The following RIPPLY3 variants were observed in gnomAD, a reference collection of about 807,000 sequenced individuals.
The protein encoded by RIPPLY3 is protein ripply3.
RIPPLY3 carries 8 observed loss-of-function variants against 11.9 expected under a neutral mutation model. The ratio of observed to expected loss-of-function variants is 0.67; its 90% CI spans 0.40 to 1.21. The LOEUF is 1.21. Among genes scored for constraint, RIPPLY3 ranks in the 50% most tolerant of loss-of-function variants. The pLI, the probability that RIPPLY3 is intolerant of heterozygous loss-of-function variation, is 0.01. For synonymous variants in RIPPLY3, 102 were observed against 99.0 expected (o/e 1.03, Z -0.18); for missense variants, 271 against 246.0 (o/e 1.10, Z -0.68).
At chr21:37,010,423 G>A (rs2069509908) in intron 2 of RIPPLY3, among the ~76,000 whole-genome samples, 1 of 152,138 alleles carries the variant, frequency 6.6e-6, no homozygotes, top group Admixed American at 6.5e-5. Flanking sequence ...AACCTGGGAG[G>A]CAGAGGTTGC....
intron 3 of RIPPLY3, 110 bp downstream of exon 3, chr21:37,013,728 A>G: frequency 1.3e-6 from 1 of 756,400 alleles, no homozygotes; most frequent in Admixed American, 2.4e-5. Context: ...AAAATAATTC[A>G]ATGTATTCTT....
chr21:37,007,945 A>T (rs1274538780), intron 1 of RIPPLY3, among the ~76,000 whole-genome samples: 1 of 152,206 alleles, frequency 6.6e-6, no homozygotes, highest in African/African-American at 2.4e-5. Flanking sequence ...CTCAAAGCTT[A>T]ACTGGAGACA....
chr21:37,018,117 G>C lies in RIPPLY3; in HGVS notation c.483G>C (p.Gln161His). Reference protein sequence around the residue: ...KGRDQGINQGQRSSGGGDHWG... With the variant: ...KGRDQGINQGHRSSGGGDHWG... ...GAGACCAGGGCATCAACCAAGGGCA[G>C]CGATCCTCAGGAGGGGGTGACCACT... Residue 161 changes from glutamine (Q) to histidine (H), a missense_variant, in exon 4 of 4, where the codon CAG becomes CAC. By Grantham distance (24) the Gln-to-His change is conservative (BLOSUM62 0). Coordinates refer to ENST00000329553, the MANE Select transcript of RIPPLY3 (RefSeq NM_018962.3). 1 of 1,614,058 alleles carries C rather than the reference G, an allele frequency of 6.2e-7. No individual in the cohort carries two copies. The highest frequency in any genetic ancestry group is 8.5e-7 in the Non-Finnish European group (1 of 1,180,010).
chr21:37,015,273 C>T (rs573044988), intron 3 of RIPPLY3, among the ~76,000 whole-genome samples: 31 of 152,308 alleles, frequency 2.0e-4, no homozygotes, highest in African/African-American at 6.7e-4. Context: ...AAGCAATTCT[C>T]CTGCCTCAGC....
intron 2 of RIPPLY3, among the ~76,000 whole-genome samples, chr21:37,012,687 C>T (rs1487943797): frequency 6.6e-6 from 1 of 152,042 alleles, no homozygotes; most frequent in Admixed American, 6.6e-5. Flanking sequence ...TAGTTGGACT[C>T]CCTGACTCAA....
chr21:37,013,613 TGTAAG>T lies in RIPPLY3; in HGVS notation c.239_239+4del. 6.2e-7 allele frequency: 1 copy of T among 1,613,048 alleles called. No homozygotes were observed. The highest frequency in any genetic ancestry group is 8.5e-7 in the Non-Finnish European group (1 of 1,179,162). ...AGGGAGCCTTTGGGTTTCAGCATCC[TGTAAG>T]GTAATATACGACTTCACAATAAGTA... On this transcript the variant is annotated frameshift_variant and splice_region_variant, in exon 3 of 4. Transcript: ENST00000329553. LOFTEE classifies it low-confidence loss of function (END_TRUNC).
chr21:37,013,203 C>T (rs940685409), intron 2 of RIPPLY3, among the ~76,000 whole-genome samples: 5 of 152,198 alleles, frequency 3.3e-5, no homozygotes, highest in South Asian at 2.1e-4. Flanking sequence ...TTCATGAACC[C>T]GTTCCTGACC....
intron 2 of RIPPLY3, among the ~76,000 whole-genome samples, chr21:37,011,981 G>A (rs2069527416): frequency 6.8e-6 from 1 of 147,364 alleles, no homozygotes; most frequent in South Asian, 2.1e-4. Flanking sequence ...TGTAATGTCT[G>A]CAGAGGCTCC....
intron 2 of RIPPLY3, among the ~76,000 whole-genome samples, chr21:37,009,160 T>C (rs2069496841): frequency 6.6e-6 from 1 of 152,210 alleles, no homozygotes; most frequent in Non-Finnish European, 1.5e-5. Flanking sequence ...TACTTACTGA[T>C]GTAATGACTT....
In RIPPLY3 at chr21:37,016,681, G is replaced by T. The variant is rs574177578; in HGVS notation, c.240-1193G>T. On this transcript the variant is annotated intron_variant, in intron 3 of 3. Transcript: ENST00000329553. Reference sequence around the variant, plus strand: ...ACCCTGTCTCTATGAAAAATATAAAGAATTAGCTGGATGTGGTGGCATGCA... The same window carrying T: ...ACCCTGTCTCTATGAAAAATATAAATAATTAGCTGGATGTGGTGGCATGCA... 4.6e-5 allele frequency among the ~76,000 whole-genome samples: 7 copies of T among 152,088 alleles called. No homozygotes were observed. In the East Asian group the frequency reaches 1.4e-3, roughly 30 times the overall value.
chr21:37,008,322 G>A (rs2069486721), intron 2 of RIPPLY3, 99 bp downstream of exon 2: 4 of 1,257,990 alleles, frequency 3.2e-6, no homozygotes, highest in Non-Finnish European at 3.4e-6. Context: ...GCGCAGGGCC[G>A]TCCCTTGGGC....
intron 1 of RIPPLY3, among the ~76,000 whole-genome samples, 156 bp from the exon 2 acceptor site, chr21:37,008,001 A>C (rs539550298): frequency 2.0e-5 from 3 of 152,180 alleles, no homozygotes; most frequent in Non-Finnish European, 4.4e-5. Flanking sequence ...AATGACAGTA[A>C]TTTATCCACA....
Position 37,015,745 on chromosome 21 carries a change from G to T in RIPPLY3, c.239+2127G>T, listed in dbSNP as rs192858029. 1.3e-3 allele frequency among the ~76,000 whole-genome samples: 198 copies of T among 151,884 alleles called. 2 individuals are homozygous for T. The highest frequency in any genetic ancestry group is 4.5e-3 in the African/African-American group (185 of 41,416). On this transcript the variant is annotated intron_variant, in intron 3 of 3. Coordinates refer to ENST00000329553, the MANE Select transcript of RIPPLY3 (RefSeq NM_018962.3). Reference sequence around the variant, plus strand: ...TTTATTTATTTTATTTTGAGATAGGGTCTTGCTCTGTTGCCCAGGCTGGAG... The same window carrying T: ...TTTATTTATTTTATTTTGAGATAGGTTCTTGCTCTGTTGCCCAGGCTGGAG...
chr21:37,007,361 C>A (rs2069475141), intron 1 of RIPPLY3, among the ~76,000 whole-genome samples: 1 of 148,132 alleles, frequency 6.8e-6, no homozygotes, highest in South Asian at 2.2e-4. Flanking sequence ...ACCGGGTAGG[C>A]CGGATGGGCC....
At chr21:37,014,552 C>T (rs1490897014) in intron 3 of RIPPLY3, among the ~76,000 whole-genome samples, 4 of 152,122 alleles carry the variant, frequency 2.6e-5, no homozygotes, top group Admixed American at 6.5e-5. Context: ...CTGTCTGTCT[C>T]GCTCGATCTC....
intron 3 of RIPPLY3, among the ~76,000 whole-genome samples, chr21:37,015,871 G>A (rs781111509): frequency 1.2e-3 from 175 of 141,052 alleles, no homozygotes; most frequent in Admixed American, 2.6e-3. Context: ...ACCACACCCA[G>A]CTAATTTTTT....
chr21:37,019,431 G>A lies in RIPPLY3; in HGVS notation c.*1224G>A, dbSNP rs1050617195. 6.6e-6 allele frequency: 1 copy of A among 151,834 alleles called. No homozygotes were observed. Among genetic ancestry groups the A allele is most frequent in the African/African-American group, 2.4e-5 (1 of 41,326 alleles). The allele number at this position is 151,834 out of a possible 1,614,324, so 9.4% of individuals were successfully genotyped here. ...CTTAGTTGGTGACTGTTTGGGGCCTGGTATTTTAATAGATGAACACTACTT... is the reference window on the plus strand; with the variant it reads ...CTTAGTTGGTGACTGTTTGGGGCCTAGTATTTTAATAGATGAACACTACTT... On this transcript the variant is annotated 3_prime_UTR_variant, in exon 4 of 4. Coordinates refer to ENST00000329553, the MANE Select transcript of RIPPLY3 (RefSeq NM_018962.3).
At chr21:37,012,212 T>TTTATTTA (rs1555984740) in intron 2 of RIPPLY3, among the ~76,000 whole-genome samples, 1 of 132,512 alleles carries the variant, frequency 7.5e-6, no homozygotes, top group Non-Finnish European at 1.6e-5. Flanking sequence ...CCGCTCCTTA[T>TTTATTTA]TTATTATTAT....
In RIPPLY3 at chr21:37,013,550, G is replaced by A; in HGVS notation, c.172-1G>A. 2 of 1,613,286 alleles carry A rather than the reference G, an allele frequency of 1.2e-6. No homozygotes were observed. Among genetic ancestry groups the A allele is most frequent in the East Asian group, 4.5e-5 (2 of 44,854 alleles). ...GTGTTTGTATGTGTCTGTCGTTACA[G>A]CTTGAACCTAGGGCTGACCAACACA... On this transcript the variant is annotated splice_acceptor_variant, in intron 2 of 3. Coordinates refer to ENST00000329553, the MANE Select transcript of RIPPLY3 (RefSeq NM_018962.3). LOFTEE classifies it high-confidence loss of function.
Sources: gnomAD v4.1 joint callset for allele counts (sites outside exome capture counted in the v4.1 genomes callset) on GRCh38, gnomAD v4.1.1 for gene constraint, MANE v1.5 for transcripts, NCBI Gene and HGNC (gene_info 2026-07-23, HGNC 2026-07-21) for gene names.